Variants in GALNT13 observed in about 807,000 individuals in gnomAD.
The protein encoded by GALNT13 is polypeptide N-acetylgalactosaminyltransferase 13.
A neutral mutation model predicts 64.2 loss-of-function variants in GALNT13; 28 were observed. That is an observed-to-expected ratio of 0.44 (90% CI 0.32 to 0.60). GALNT13 has a LOEUF of 0.60. Among genes scored for constraint, GALNT13 ranks in the 20% least tolerant of loss-of-function variants. The pLI is 0.05. For missense variants in GALNT13, 577 were observed against 669.8 expected, an observed-to-expected ratio of 0.86 and a Z score of 1.53; for synonymous variants, 214 against 224.6, an observed-to-expected ratio of 0.95 and a Z score of 0.42.
the GALNT13 span, among the ~76,000 whole-genome samples, chr2:153,471,518 A>T: frequency 2.0e-5 from 3 of 152,116 alleles, no homozygotes; most frequent in Non-Finnish European, 4.4e-5. Flanking sequence ...TGATCCTTTT[A>T]TTAAGCCCTC....
intron 9 of GALNT13, among the ~76,000 whole-genome samples, chr2:154,355,357 CA>C (rs1224524304): frequency 6.6e-6 from 1 of 152,104 alleles, no homozygotes; most frequent in Non-Finnish European, 1.5e-5. Context: ...CTTTGACCTA[CA>C]AAAACAATTT....
At chr2:153,248,680 G>C in the GALNT13 span, among the ~76,000 whole-genome samples, 10 of 151,996 alleles carry the variant, frequency 6.6e-5, no homozygotes, top group African/African-American at 1.2e-4. Context: ...GCTGGGCGTG[G>C]TGGTGGGTGC....
At chr2:153,928,972 G>T (rs1041139931) in intron 2 of GALNT13, among the ~76,000 whole-genome samples, 1 of 152,214 alleles carries the variant, frequency 6.6e-6, no homozygotes, top group African/African-American at 2.4e-5. Context: ...GCCAAGTATT[G>T]TTTGTCACTT....
Position 153,944,454 on chromosome 2 carries a change from C to T in GALNT13, c.-44C>T. 1 of 1,585,856 alleles carries T rather than the reference C, an allele frequency of 6.3e-7. No homozygotes were observed. The highest frequency in any genetic ancestry group is 8.6e-7 in the Non-Finnish European group (1 of 1,160,326). ...GTGTGGCTTGGATTTATCACAGTAG[C>T]ATTTGTCTTCAATCTGTGTGTTAAC... On this transcript the variant is annotated 5_prime_UTR_variant, in exon 3 of 13. Transcript: ENST00000392825.
the GALNT13 span, among the ~76,000 whole-genome samples, chr2:153,654,258 A>T: frequency 6.6e-6 from 1 of 152,150 alleles, no homozygotes; most frequent in Non-Finnish European, 1.5e-5. Flanking sequence ...AATTATTTTA[A>T]ATTTAAATAG....
chr2:154,377,304 G>A (rs1698044969), intron 9 of GALNT13, among the ~76,000 whole-genome samples: 1 of 151,968 alleles, frequency 6.6e-6, no homozygotes, highest in Admixed American at 6.6e-5. Context: ...TTGTGACCAA[G>A]CTTTTTTACA....
intron 12 of GALNT13, among the ~76,000 whole-genome samples, chr2:154,443,356 A>G (rs1380511023): frequency 1.3e-5 from 2 of 152,016 alleles, no homozygotes; most frequent in African/African-American, 4.8e-5. Flanking sequence ...ATCATAATTA[A>G]TGTTTTGAGT....
In GALNT13 at chr2:153,940,294, G is replaced by A. The variant is rs1218574991; in HGVS notation, c.-104-4100G>A. On this transcript the variant is annotated intron_variant, in intron 2 of 12. Transcript: ENST00000392825. Reference sequence around the variant, plus strand: ...TTTTTTTTTGACAGAGTCTTGCTCTGTTGCCCAGGCTGGGGTGCAATGGTA... The same window carrying A: ...TTTTTTTTTGACAGAGTCTTGCTCTATTGCCCAGGCTGGGGTGCAATGGTA... Among the ~76,000 whole-genome samples the A allele has an allele frequency of 3.5e-5, 5 of 140,904 alleles. No individual in the cohort carries two copies. The East Asian group carries it at 1.0e-3, about 29-fold the overall frequency. 92.4% of individuals were successfully genotyped at this position (140,904 alleles called of 152,430 possible).
chr2:153,944,851 C>A (rs1221992855), intron 3 of GALNT13, among the ~76,000 whole-genome samples: 1 of 152,132 alleles, frequency 6.6e-6, no homozygotes, highest in East Asian at 1.9e-4. Flanking sequence ...AGTTAGCTAA[C>A]CTCTAAGATA....
chr2:154,363,255 TCTC>T (rs1458357338), intron 9 of GALNT13, among the ~76,000 whole-genome samples: 1 of 152,204 alleles, frequency 6.6e-6, no homozygotes, highest in East Asian at 1.9e-4. Flanking sequence ...TCTTTCATCT[TCTC>T]TGCCTTCCCA....
chr2:154,231,104 C>T (rs1049828675), intron 4 of GALNT13, among the ~76,000 whole-genome samples: 5 of 152,050 alleles, frequency 3.3e-5, no homozygotes, highest in African/African-American at 4.8e-5. Flanking sequence ...TTGACTTGCT[C>T]CTTTCCTCAT....
At chr2:154,208,262 G>T (rs2105793824) in intron 4 of GALNT13, among the ~76,000 whole-genome samples, 1 of 152,128 alleles carries the variant, frequency 6.6e-6, no homozygotes, top group East Asian at 1.9e-4. Flanking sequence ...ATAATATATT[G>T]TTATAAAACA....
the GALNT13 span, among the ~76,000 whole-genome samples, chr2:153,189,043 T>C: frequency 1.3e-5 from 2 of 152,204 alleles, no homozygotes; most frequent in East Asian, 3.8e-4. Flanking sequence ...CACCATACTC[T>C]ACCATCAAAC....
At chr2:153,222,889 G>A in the GALNT13 span, among the ~76,000 whole-genome samples, 6 of 152,180 alleles carry the variant, frequency 3.9e-5, no homozygotes, top group African/African-American at 2.4e-5. Flanking sequence ...CACTGAGAGC[G>A]CAGGGATGCC....
chr2:153,705,177 G>A, the GALNT13 span, among the ~76,000 whole-genome samples: 21,361 of 152,056 alleles, frequency 0.14, 2,371 homozygotes, highest in African/African-American at 0.3. Context: ...AGTAGGTTTT[G>A]AAAGAAAAAC....
chr2:154,061,241 A>G (rs903608480), intron 3 of GALNT13, among the ~76,000 whole-genome samples: 1 of 152,074 alleles, frequency 6.6e-6, no homozygotes, highest in Non-Finnish European at 1.5e-5. Context: ...TTATAAAAGC[A>G]TTGTCAGTTG....
chr2:154,137,313 A>G (rs1683013210), intron 3 of GALNT13, among the ~76,000 whole-genome samples: 1 of 151,990 alleles, frequency 6.6e-6, no homozygotes. Context: ...ACACACACAC[A>G]CACACACACA....
chr2:154,388,120 C>A (rs773439656), intron 9 of GALNT13, among the ~76,000 whole-genome samples: 1 of 152,094 alleles, frequency 6.6e-6, no homozygotes, highest in Non-Finnish European at 1.5e-5. Flanking sequence ...CTAACAGGTG[C>A]GAGACGATAC....
chr2:153,679,623 C>G, the GALNT13 span, among the ~76,000 whole-genome samples: 1 of 151,858 alleles, frequency 6.6e-6, no homozygotes, highest in Non-Finnish European at 1.5e-5. Flanking sequence ...CTTTCTGAAT[C>G]TTAAATACAT....
Sources: gnomAD v4.1 joint callset for allele counts (sites outside exome capture counted in the v4.1 genomes callset) on GRCh38, gnomAD v4.1.1 for gene constraint, MANE v1.5 for transcripts, NCBI Gene and HGNC (gene_info 2026-07-23, HGNC 2026-07-21) for gene names.